Variants in HM13 observed in about 807,000 individuals in gnomAD.
The protein encoded by HM13 is histocompatibility minor 13.
HM13 carries 18 observed loss-of-function variants against 50.0 expected under a neutral mutation model. The ratio of observed to expected loss-of-function variants is 0.36; its 90% CI spans 0.25 to 0.53. The LOEUF is 0.53. Ranked by LOEUF, HM13 falls within the 20% of genes least tolerant of loss-of-function variation. HM13 has a pLI of 0.90. For missense variants in HM13, 393 were observed against 552.4 expected (o/e 0.71, Z 2.89); for synonymous variants, 197 against 232.6 (o/e 0.85, Z 1.39).
At chr20:31,547,853 C>A in intron 4 of HM13, 1 of 960,818 alleles carries the variant, frequency 1.0e-6, no homozygotes. Flanking sequence ...CCAGGTTTAA[C>A]TTCTCCTGGA....
In HM13 at chr20:31,550,187, C is replaced by T. The variant is rs181892921; in HGVS notation, c.724+66C>T. On this transcript the variant is annotated intron_variant, in intron 7 of 12. Coordinates refer to ENST00000398174, the MANE Select transcript of HM13 (RefSeq NM_178581.3). ...CCTGCCGGGCCATGCCCCCACAGCCCGTTTCAGTCAGTGCATCTCCCTATC... is the reference window on the plus strand; with the variant it reads ...CCTGCCGGGCCATGCCCCCACAGCCTGTTTCAGTCAGTGCATCTCCCTATC... The T allele has an allele frequency of 1.3e-4, 158 of 1,188,892 alleles. No homozygotes were observed. In the East Asian group the frequency reaches 3.4e-3, roughly 26 times the overall value. 73.6% of individuals were successfully genotyped at this position (1,188,892 alleles called of 1,614,324 possible).
At chr20:31,556,017 T>C (rs933009402) in intron 8 of HM13, among the ~76,000 whole-genome samples, 4 of 149,892 alleles carry the variant, frequency 2.7e-5, no homozygotes, top group African/African-American at 1.0e-4. Context: ...CATATATATA[T>C]ATAAAATTAT....
intron 1 of HM13, among the ~76,000 whole-genome samples, chr20:31,522,556 A>AAC (rs1391943522): frequency 1.4e-4 from 19 of 133,672 alleles, no homozygotes; most frequent in African/African-American, 6.1e-4. Context: ...AAAAAAAACA[A>AAC]AAAAAAAAAA....
intron 1 of HM13, among the ~76,000 whole-genome samples, chr20:31,523,052 G>GGA (rs1982269112): frequency 1.4e-5 from 2 of 147,480 alleles, no homozygotes; most frequent in Admixed American, 6.7e-5. Flanking sequence ...TTGGGAGGGG[G>GGA]GCTTTTTTTT....
chr20:31,562,124 A>G (rs977508254), intron 10 of HM13, among the ~76,000 whole-genome samples: 1 of 152,200 alleles, frequency 6.6e-6, no homozygotes, highest in Admixed American at 6.5e-5. Flanking sequence ...GCAGAGAAGA[A>G]CAGGATTGGA....
chr20:31,527,065 G>T (rs1186883454), intron 1 of HM13, among the ~76,000 whole-genome samples: 1 of 152,172 alleles, frequency 6.6e-6, no homozygotes, highest in Non-Finnish European at 1.5e-5. Flanking sequence ...GATCAGCCAG[G>T]CATGGTGGTT....
rs189433750 is a variant in HM13, at chr20:31,548,956, T to C, written c.455-73T>C. 8.0e-4 allele frequency: 1,066 copies of C among 1,324,544 alleles called. 8 individuals carry two copies. The highest frequency in any genetic ancestry group is 6.7e-5 in the Non-Finnish European group (61 of 916,734). The allele number at this position is 1,324,544 out of a possible 1,614,324, so 82.0% of individuals were successfully genotyped here. ...CACAGTGCCCACAGCCATGCCCTCCTCCGTCCAGGGGCTGACAGGTGGGAG... is the reference window on the plus strand; with the variant it reads ...CACAGTGCCCACAGCCATGCCCTCCCCCGTCCAGGGGCTGACAGGTGGGAG... On this transcript the variant is annotated intron_variant, in intron 4 of 12. Coordinates refer to ENST00000398174, the MANE Select transcript of HM13 (RefSeq NM_178581.3).
intron 3 of HM13, among the ~76,000 whole-genome samples, chr20:31,542,669 A>ACTC (rs1206851916): frequency 6.6e-6 from 1 of 150,642 alleles, no homozygotes; most frequent in Non-Finnish European, 1.5e-5. Flanking sequence ...AGGTTGCTTG[A>ACTC]CTCCTCCCCT....
At chr20:31,554,590 G>A in intron 7 of HM13, 156 bp from the exon 8 acceptor site, 1 of 581,870 alleles carries the variant, frequency 1.7e-6, no homozygotes. Context: ...GCTGAGGCGG[G>A]AGAATGGCAT....
intron 3 of HM13, chr20:31,540,750 T>G (rs6059869): frequency 0.31 from 46,671 of 151,938 alleles, 11,784 homozygotes; most frequent in African/African-American, 0.7. Flanking sequence ...CAGCACTTTG[T>G]GAGGCCAAGG....
At chr20:31,559,461 C>G (rs1444620161) in intron 8 of HM13, 150 bp from the exon 9 acceptor site, 2 of 803,930 alleles carry the variant, frequency 2.5e-6, no homozygotes, top group East Asian at 4.9e-5. Flanking sequence ...ATGGGACTTT[C>G]TGCTGTCACT....
At chr20:31,538,465 G>T in intron 3 of HM13, 2 of 1,420,638 alleles carry the variant, frequency 1.4e-6, no homozygotes, top group Non-Finnish European at 1.8e-6. Context: ...TTATAGACAT[G>T]ATGAGGATCT....
intron 4 of HM13, among the ~76,000 whole-genome samples, chr20:31,546,195 G>A (rs1298399229): frequency 6.6e-6 from 1 of 151,080 alleles, no homozygotes; most frequent in East Asian, 2.0e-4. Context: ...GACTACAGGC[G>A]CCCGCCACTA....
At chr20:31,550,341 G>A (rs761839151) in intron 7 of HM13, 6 of 549,832 alleles carry the variant, frequency 1.1e-5, no homozygotes, top group East Asian at 3.0e-5. Flanking sequence ...GCAGCATGGC[G>A]TGAAATGAGC....
chr20:31,538,472 A>T, intron 3 of HM13: 1 of 1,414,020 alleles, frequency 7.1e-7, no homozygotes, highest in Non-Finnish European at 9.2e-7. Flanking sequence ...CATGATGAGG[A>T]TCTGGTGGGT....
chr20:31,551,317 C>G (rs1051724088), intron 7 of HM13, among the ~76,000 whole-genome samples: 4 of 152,142 alleles, frequency 2.6e-5, no homozygotes, highest in African/African-American at 9.7e-5. Flanking sequence ...CCCCAGCATT[C>G]TCAGCATGTC....
At chr20:31,521,419 A>C (rs546976474) in intron 1 of HM13, among the ~76,000 whole-genome samples, 6 of 152,254 alleles carry the variant, frequency 3.9e-5, no homozygotes, top group African/African-American at 1.4e-4. Context: ...CCTCATCTGT[A>C]AAAGAGCTAT....
chr20:31,548,917 G>A (rs1247348898), intron 4 of HM13, 112 bp from the exon 5 acceptor site: 1 of 944,218 alleles, frequency 1.1e-6, no homozygotes, highest in African/African-American at 1.6e-5. Flanking sequence ...AGCCCCGCCA[G>A]CCTGTGAACC....
intron 2 of HM13, 147 bp from the exon 3 acceptor site, chr20:31,538,032 T>G: frequency 1.3e-6 from 1 of 781,418 alleles, no homozygotes; most frequent in East Asian, 2.7e-5. Flanking sequence ...GAAACTAGAA[T>G]GCCACTAGTA....
Sources: allele counts gnomAD v4.1 joint callset (sites outside exome capture counted in the v4.1 genomes callset), GRCh38; gene constraint gnomAD v4.1.1; transcripts MANE v1.5; gene names NCBI Gene and HGNC (gene_info 2026-07-23, HGNC 2026-07-21).